The following RANBP3 variants were observed in gnomAD, a reference collection of about 807,000 sequenced individuals.
The protein encoded by RANBP3 is RAN binding protein 3.
RANBP3 carries 14 observed loss-of-function variants against 77.3 expected under a neutral mutation model. The ratio of observed to expected loss-of-function variants is 0.18; its 90% CI spans 0.12 to 0.28. The LOEUF is 0.28. Ranked by LOEUF, RANBP3 falls within the 10% of genes least tolerant of loss-of-function variation. The probability of loss-of-function intolerance (pLI) is 1.00; values close to 1 mark genes in which losing one functional copy is unlikely to be tolerated. For missense variants in RANBP3, 586 were observed against 752.3 expected (o/e 0.78, Z 2.59); for synonymous variants, 315 against 312.4 (o/e 1.01, Z -0.09).
chr19:5,960,180 G>A (rs1182571466), intron 1 of RANBP3, among the ~76,000 whole-genome samples: 3 of 151,952 alleles, frequency 2.0e-5, no homozygotes, highest in Admixed American at 1.3e-4. Flanking sequence ...GCCTGTGTTC[G>A]GCCCTGAGTC....
At chr19:5,922,617 T>G (rs2057837590) in intron 13 of RANBP3, among the ~76,000 whole-genome samples, 1 of 152,258 alleles carries the variant, frequency 6.6e-6, no homozygotes, top group East Asian at 1.9e-4. Flanking sequence ...ATGTTTGGTA[T>G]GACAGTCTTT....
At chr19:5,931,851 A>C (rs2057996631) in intron 7 of RANBP3, among the ~76,000 whole-genome samples, 1 of 152,022 alleles carries the variant, frequency 6.6e-6, no homozygotes. Flanking sequence ...TGGGCAACAC[A>C]GCAAGTCCTC....
At position 5,977,234 on chromosome 19, in the gene RANBP3, G is replaced by A. The variant is rs184397084; in HGVS notation, c.22+827C>T. On this transcript the variant is annotated intron_variant, in intron 1 of 16. Transcript: ENST00000340578. The stretch of plus-strand genomic sequence containing the variant: ...GGGGAGCTAAAAATAGGCCTCAGAA[G>A]TCTTGAAGCTACAGCGATGGCAACA... Among the ~76,000 whole-genome samples, 9 of 151,732 alleles carry A rather than the reference G, an allele frequency of 5.9e-5. No homozygotes were observed. In the East Asian group the frequency reaches 1.6e-3, roughly 26 times the overall value.
intron 3 of RANBP3, among the ~76,000 whole-genome samples, chr19:5,947,487 C>T (rs1000562738): frequency 2.0e-5 from 3 of 152,136 alleles, no homozygotes; most frequent in Admixed American, 1.3e-4. Flanking sequence ...TGCTGCGAGG[C>T]GCAGGGCTTC....
In RANBP3 at chr19:5,924,937, G is replaced by A. The variant is rs375034098; in HGVS notation, c.918-32C>T. ...AGAAGATGTGCAATGAGTGTGGGGCGTCACGTGGGAACGTGGCCAGGCAAA... is the reference window on the plus strand; with the variant it reads ...AGAAGATGTGCAATGAGTGTGGGGCATCACGTGGGAACGTGGCCAGGCAAA... On this transcript the variant is annotated intron_variant, in intron 10 of 16. Transcript: ENST00000340578. This position sits in a 1 kb window ranked among gnomAD's most constrained non-coding sequence, Gnocchi z 4.7. The A allele has an allele frequency of 5.8e-5, 92 of 1,591,354 alleles. No homozygotes were observed. The highest frequency in any genetic ancestry group is 2.5e-4 in the African/African-American group (19 of 74,516).
chr19:5,956,629 G>A (rs1303731203), intron 2 of RANBP3, among the ~76,000 whole-genome samples: 1 of 152,166 alleles, frequency 6.6e-6, no homozygotes, highest in African/African-American at 2.4e-5. Flanking sequence ...GGGGTGTGCT[G>A]GGGGAGGTTT....
intron 3 of RANBP3, among the ~76,000 whole-genome samples, chr19:5,946,137 C>T (rs1417302098): frequency 2.0e-5 from 3 of 152,198 alleles, no homozygotes; most frequent in Admixed American, 2.0e-4. Flanking sequence ...TGAGCACCAC[C>T]TCTAGGGTAA....
In RANBP3 at chr19:5,924,997, AGGGCACAGTGGAGG is replaced by A; in HGVS notation, c.918-106_918-93del. On this transcript the variant is annotated intron_variant, in intron 10 of 16. Transcript: ENST00000340578. The surrounding 1 kb of genome is among the most constrained non-coding windows in gnomAD (Gnocchi z 4.7). ...ACCCATGGAGCACACACTGACACAG[AGGGCACAGTGGAGG>A]GGCCTCCGCCACTGTGCACGGGGTG... The A allele has an allele frequency of 8.3e-7, 1 of 1,198,614 alleles. No individual in the cohort carries two copies. The highest frequency in any genetic ancestry group is 1.2e-6 in the Non-Finnish European group (1 of 804,948). 74.2% of individuals were successfully genotyped at this position (1,198,614 alleles called of 1,614,324 possible).
At chr19:5,936,297 G>A (rs1197590337) in intron 5 of RANBP3, among the ~76,000 whole-genome samples, 2 of 152,224 alleles carry the variant, frequency 1.3e-5, no homozygotes, top group Admixed American at 1.3e-4. Flanking sequence ...GCCAGAAGAG[G>A]GAGGAATATA....
intron 6 of RANBP3, 75 bp downstream of exon 6, chr19:5,933,339 G>A (rs1215500106): frequency 8.2e-7 from 1 of 1,218,852 alleles, no homozygotes; most frequent in Non-Finnish European, 1.2e-6. Context: ...AGCCCGCGGT[G>A]CCCTGGTGTG....
rs565286018 is a variant in RANBP3, at chr19:5,917,716, C to T, written c.1661-63G>A. On this transcript the variant is annotated intron_variant, in intron 16 of 16. Coordinates refer to ENST00000340578, the MANE Select transcript of RANBP3 (RefSeq NM_007322.3). ...CGCACTTCCCAGGTCTGGCCACCCC[C>T]GCCAGGAGATCAGCACTGGATCAAG... The T allele has an allele frequency of 1.2e-4, 187 of 1,588,434 alleles. 1 individual carries two copies. The African/African-American group carries it at 2.0e-3, about 17-fold the overall frequency.
At chr19:5,975,261 C>T (rs1568486307) in intron 1 of RANBP3, among the ~76,000 whole-genome samples, 1 of 152,126 alleles carries the variant, frequency 6.6e-6, no homozygotes, top group Non-Finnish European at 1.5e-5. Flanking sequence ...GACAGTTATC[C>T]CAGAACTAGC....
rs1167342997 is a variant in RANBP3, at chr19:5,924,051, T to G, written c.997-137A>C. On this transcript the variant is annotated intron_variant, in intron 11 of 16. Transcript: ENST00000340578. This position sits in a 1 kb window ranked among gnomAD's most constrained non-coding sequence, Gnocchi z 4.7. ...GCCCACTCCCGGTGACACCCTGAAC[T>G]GCCTGGGAGCTCCCCACGTGGTCCC... 7 of 666,364 alleles carry G rather than the reference T, an allele frequency of 1.1e-5. No homozygotes were observed. Among genetic ancestry groups the G allele is most frequent in the Non-Finnish European group, 1.8e-5 (7 of 386,546 alleles). 41.3% of individuals were successfully genotyped at this position (666,364 alleles called of 1,614,324 possible).
At chr19:5,937,954 C>G (rs996162734) in intron 5 of RANBP3, among the ~76,000 whole-genome samples, 3 of 152,198 alleles carry the variant, frequency 2.0e-5, no homozygotes, top group Non-Finnish European at 4.4e-5. Context: ...TCTGTGCCCC[C>G]ATCCAGACCA....
chr19:5,974,532 T>A (rs2058566615), intron 1 of RANBP3: 1 of 152,046 alleles, frequency 6.6e-6, no homozygotes, highest in South Asian at 2.1e-4. Flanking sequence ...GCACACACAC[T>A]GTCTGAGAGG....
At chr19:5,950,910 C>T (rs77001608) in intron 3 of RANBP3, 2,080 of 174,210 alleles carry the variant, frequency 0.012, 18 homozygotes, top group Non-Finnish European at 0.017. Flanking sequence ...CTGCCTTAAC[C>T]ACAGTCCAAA....
Position 5,917,212 on chromosome 19 carries a change from G to A in RANBP3, c.*398C>T. 3.3e-6 allele frequency: 1 copy of A among 307,004 alleles called. No homozygotes were observed. The highest frequency in any genetic ancestry group is 6.3e-6 in the Non-Finnish European group (1 of 158,222). 19.0% of individuals were successfully genotyped at this position (307,004 alleles called of 1,614,324 possible). ...GGCTGGCTGCTCCCCACAAAGGCAGGGCCCCACAGCAGGGTGGGAAGGGTG... is the reference window on the plus strand; with the variant it reads ...GGCTGGCTGCTCCCCACAAAGGCAGAGCCCCACAGCAGGGTGGGAAGGGTG... On this transcript the variant is annotated 3_prime_UTR_variant, in exon 17 of 17. Transcript: ENST00000340578.
At chr19:5,962,833 C>T (rs1363488154) in intron 1 of RANBP3, 3 of 442,658 alleles carry the variant, frequency 6.8e-6, no homozygotes, top group South Asian at 1.6e-5. Flanking sequence ...CAGGCAGGAC[C>T]GCCCCACTGC....
intron 5 of RANBP3, chr19:5,935,949 A>T: frequency 2.6e-6 from 1 of 381,376 alleles, no homozygotes. Flanking sequence ...TCTCTGAGGG[A>T]TGCGCATCAC....
Sources: gnomAD v4.1 joint callset for allele counts (sites outside exome capture counted in the v4.1 genomes callset) on GRCh38, gnomAD v4.1.1 for gene constraint, Gnocchi (gnomAD v3.1) non-coding constraint, MANE v1.5 for transcripts, NCBI Gene and HGNC (gene_info 2026-07-23, HGNC 2026-07-21) for gene names.